PPFIA2: variants seen among roughly 807,000 people sequenced by gnomAD.
The protein encoded by PPFIA2 is PPFI scaffold protein A2.
A neutral mutation model predicts 175.5 loss-of-function variants in PPFIA2; 46 were observed. That is an observed-to-expected ratio of 0.26 (90% CI 0.21 to 0.34). The LOEUF is 0.34. Among genes scored for constraint, PPFIA2 ranks in the 10% least tolerant of loss-of-function variants. The pLI, the probability that PPFIA2 is intolerant of heterozygous loss-of-function variation, is 1.00. For missense variants in PPFIA2, 1,179 were observed against 1,506.1 expected, an observed-to-expected ratio of 0.78 and a Z score of 3.60; for synonymous variants, 568 against 511.4, an observed-to-expected ratio of 1.11 and a Z score of -1.49.
At chr12:81,668,300 A>G (rs2070747507) in intron 4 of PPFIA2, among the ~76,000 whole-genome samples, 2 of 151,992 alleles carry the variant, frequency 1.3e-5, no homozygotes, top group South Asian at 4.1e-4. Flanking sequence ...CCTTTGACAC[A>G]CCAAATTCTT....
At chr12:81,625,474 T>G (rs2062591709) in intron 4 of PPFIA2, among the ~76,000 whole-genome samples, 1 of 151,890 alleles carries the variant, frequency 6.6e-6, no homozygotes, top group African/African-American at 2.4e-5. Flanking sequence ...ATGACCTGAC[T>G]AGGAATTTGA....
chr12:81,337,223 T>C (rs1272966137), intron 21 of PPFIA2, among the ~76,000 whole-genome samples: 1 of 152,182 alleles, frequency 6.6e-6, no homozygotes, highest in Non-Finnish European at 1.5e-5. Flanking sequence ...TTCATAGGTA[T>C]AGCATTTTGC....
chr12:81,717,612 G>A (rs1276099726), intron 3 of PPFIA2, among the ~76,000 whole-genome samples: 1 of 151,520 alleles, frequency 6.6e-6, no homozygotes, highest in Non-Finnish European at 1.5e-5. Context: ...AAATAGTTAG[G>A]GCCTTCAAAA....
At chr12:81,611,516 TACAGC>T (rs2060906772) in intron 4 of PPFIA2, among the ~76,000 whole-genome samples, 1 of 152,174 alleles carries the variant, frequency 6.6e-6, no homozygotes, top group South Asian at 2.1e-4. Context: ...AGTACTCATA[TACAGC>T]AACACATTCA....
intron 4 of PPFIA2, among the ~76,000 whole-genome samples, chr12:81,509,643 G>A (rs1198697570): frequency 6.6e-6 from 1 of 150,768 alleles, no homozygotes; most frequent in Non-Finnish European, 1.5e-5. Flanking sequence ...TTCCTCTGTG[G>A]ACTCAAACTA....
At chr12:81,701,249 G>C (rs992263631) in intron 3 of PPFIA2, among the ~76,000 whole-genome samples, 1 of 152,156 alleles carries the variant, frequency 6.6e-6, no homozygotes, top group East Asian at 1.9e-4. Context: ...TTCAGCAAAT[G>C]TCACCTATAA....
At chr12:81,623,230 C>G (rs778987457) in intron 4 of PPFIA2, among the ~76,000 whole-genome samples, 1 of 151,984 alleles carries the variant, frequency 6.6e-6, no homozygotes. Context: ...TAATCTTGTA[C>G]GGTCCCTCAA....
At chr12:81,572,807 C>T (rs1158024663) in intron 4 of PPFIA2, among the ~76,000 whole-genome samples, 2 of 151,706 alleles carry the variant, frequency 1.3e-5, no homozygotes, top group African/African-American at 2.4e-5. Context: ...CTAAAGAAGG[C>T]GAGCCTGAGA....
At chr12:81,381,154 C>A (rs1280642937) in intron 9 of PPFIA2, among the ~76,000 whole-genome samples, 1 of 152,092 alleles carries the variant, frequency 6.6e-6, no homozygotes, top group Non-Finnish European at 1.5e-5. Context: ...TTTGTGTTTG[C>A]AACCTCCCTT....
At chr12:81,688,270 G>T (rs1263604412) in intron 3 of PPFIA2, among the ~76,000 whole-genome samples, 3 of 151,738 alleles carry the variant, frequency 2.0e-5, no homozygotes, top group African/African-American at 7.3e-5. Context: ...TGATATCACA[G>T]GTTTATATAC....
At chr12:81,655,871 T>C (rs188702793) in intron 4 of PPFIA2, among the ~76,000 whole-genome samples, 15 of 152,166 alleles carry the variant, frequency 9.9e-5, no homozygotes, top group African/African-American at 3.6e-4. Context: ...TAAAATGTTC[T>C]ACCATGATTG....
chr12:81,323,876 C>T (rs1189433118), intron 22 of PPFIA2, among the ~76,000 whole-genome samples: 1 of 152,016 alleles, frequency 6.6e-6, no homozygotes, highest in Non-Finnish European at 1.5e-5. Flanking sequence ...AGGGCTATTG[C>T]TATGGGATAA....
At chr12:81,734,327 G>T (rs1272730089) in intron 3 of PPFIA2, among the ~76,000 whole-genome samples, 1 of 151,694 alleles carries the variant, frequency 6.6e-6, no homozygotes, top group East Asian at 1.9e-4. Context: ...AGATTACATT[G>T]CATTTGCAGA....
intron 7 of PPFIA2, among the ~76,000 whole-genome samples, chr12:81,437,778 G>GT (rs776902810): frequency 4.6e-5 from 7 of 151,844 alleles, no homozygotes; most frequent in Non-Finnish European, 7.4e-5. Flanking sequence ...CACATTTTAC[G>GT]TTTTTTTCTG....
intron 8 of PPFIA2, among the ~76,000 whole-genome samples, chr12:81,393,528 T>G (rs912999229): frequency 3.9e-5 from 6 of 152,066 alleles, no homozygotes; most frequent in African/African-American, 1.4e-4. Flanking sequence ...TCCTCTACTG[T>G]GTCTTGATAT....
Position 81,674,147 on chromosome 12 carries a change from A to G in PPFIA2, c.303+2644T>C, listed in dbSNP as rs907457906. ...TATGTGTACCCACAGCAAAATTTGC[A>G]ATTTTAAACATACCATTAACATTTC... On this transcript the variant is annotated intron_variant, in intron 4 of 32. Coordinates refer to ENST00000549396, the MANE Select transcript of PPFIA2 (RefSeq NM_003625.5). 2.0e-5 allele frequency among the ~76,000 whole-genome samples: 3 copies of G among 152,180 alleles called. No individual in the cohort carries two copies. The South Asian group carries it at 6.2e-4, about 32-fold the overall frequency.
Position 81,325,792 on chromosome 12 carries a change from C to T in PPFIA2, c.2627G>A (p.Arg876Gln), listed in dbSNP as rs2139797812. The change falls in exon 22 of 33, where the codon CGA (arginine) becomes CAA (glutamine). Residue 876 changes from arginine (R) to glutamine (Q), a missense_variant. Coordinates refer to ENST00000549396, the MANE Select transcript of PPFIA2 (RefSeq NM_003625.5). ...CCAAACCTACTTTTTCTTTAGTCTT[C>T]GATCCTTCTCAGCTTGAGTTCCGAG... The part of the protein sequence containing the change: ...GKLGTQAEKD[R>Q]RLKKKHELLE... The T allele has an allele frequency of 1.2e-6, 2 of 1,612,002 alleles. No homozygotes were observed. The highest frequency in any genetic ancestry group is 1.7e-6 in the Non-Finnish European group (2 of 1,178,526).
intron 8 of PPFIA2, among the ~76,000 whole-genome samples, chr12:81,397,766 G>C (rs1486959557): frequency 6.6e-6 from 1 of 152,030 alleles, no homozygotes; most frequent in Non-Finnish European, 1.5e-5. Context: ...GGAGGTAAAG[G>C]TGTGAGCAAA....
intron 3 of PPFIA2, among the ~76,000 whole-genome samples, chr12:81,710,935 T>A (rs989787302): frequency 6.6e-6 from 1 of 151,414 alleles, no homozygotes; most frequent in African/African-American, 2.4e-5. Flanking sequence ...TTTTGCTACT[T>A]AGAAGTAAAA....
Sources: allele counts gnomAD v4.1 joint callset (sites outside exome capture counted in the v4.1 genomes callset), GRCh38; gene constraint gnomAD v4.1.1; transcripts MANE v1.5; gene names NCBI Gene and HGNC (gene_info 2026-07-23, HGNC 2026-07-21).